Variants in ABHD5 observed in about 807,000 individuals in gnomAD.
ABHD5 encodes the protein abhydrolase domain containing 5, lysophosphatidic acid acyltransferase, also known as 1-acylglycerol-3-phosphate O-acyltransferase ABHD5.
ABHD5 carries 30 observed loss-of-function variants against 44.9 expected under a neutral mutation model. The ratio of observed to expected loss-of-function variants is 0.67; its 90% confidence interval spans 0.50 to 0.91. The LOEUF (loss-of-function observed/expected upper bound fraction) is 0.91. ABHD5 is among the 40% of genes least tolerant of loss of function. ABHD5 has a pLI of 0.00. For synonymous variants in ABHD5, 167 were observed against 147.0 expected (o/e 1.14, Z -0.99); for missense variants, 399 against 423.4 (o/e 0.94, Z 0.50).
intron 2 of ABHD5, among the ~76,000 whole-genome samples, chr3:43,700,356 A>G (rs1343153790): frequency 6.6e-6 from 1 of 151,966 alleles, no homozygotes; most frequent in South Asian, 2.1e-4. Context: ...AGTGGTACTT[A>G]TTGTGCAATT....
rs1260307797 is a variant in ABHD5, at chr3:43,727,769, T to G, written c.*30-6111T>G. Among the ~76,000 whole-genome samples, 4 of 152,290 alleles carry G rather than the reference T, an allele frequency of 2.6e-5. No homozygotes were observed. In the South Asian group the frequency reaches 6.2e-4, roughly 24 times the overall value. Reference sequence around the variant, plus strand: ...GGCTATAGGCATGCGCCACCATGCCTGGCTAATTTTTGTATTTTTAGTAGA... The same window carrying G: ...GGCTATAGGCATGCGCCACCATGCCGGGCTAATTTTTGTATTTTTAGTAGA... On this transcript the variant is annotated intron_variant, in intron 7 of 7. Coordinates refer to the ABHD5 transcript ENST00000454293.
At chr3:43,691,195 C>T in intron 1 of ABHD5, 156 bp downstream of exon 1, 1 of 651,700 alleles carries the variant, frequency 1.5e-6, no homozygotes, top group Non-Finnish European at 2.2e-6. Flanking sequence ...GCGCGGCGCC[C>T]AGAGGCGTCC....
rs1178975410 is a variant in ABHD5, at chr3:43,720,800, T to C, written c.*2268T>C. On this transcript the variant is annotated 3_prime_UTR_variant, in exon 7 of 7. Transcript: ENST00000644371. ...AGCAAATGTTCAGTAAATGCTGCTG[T>C]TGTTCTTAGGGAAGGCTACTCTGGG... 3 of 152,204 alleles carry C rather than the reference T, an allele frequency of 2.0e-5. No homozygotes were observed. Among genetic ancestry groups the C allele is most frequent in the Non-Finnish European group, 2.9e-5 (2 of 68,028 alleles). 9.4% of individuals were successfully genotyped at this position (152,204 alleles called of 1,614,324 possible).
At chr3:43,695,761 C>T (rs149285287) in intron 1 of ABHD5, among the ~76,000 whole-genome samples, 218 of 152,214 alleles carry the variant, frequency 1.4e-3, no homozygotes, top group African/African-American at 4.9e-3. Flanking sequence ...AGAAGGATTA[C>T]GTAAAAAGTT....
chr3:43,696,924 G>A (rs1465069733), intron 1 of ABHD5, among the ~76,000 whole-genome samples: 1 of 152,096 alleles, frequency 6.6e-6, no homozygotes, highest in Non-Finnish European at 1.5e-5. Context: ...CACCTGTTTT[G>A]ATGAAAATGC....
intron 5 of ABHD5, 32 bp from the exon 6 acceptor site, chr3:43,717,639 C>CAT: frequency 3.1e-6 from 5 of 1,611,956 alleles, no homozygotes; most frequent in Non-Finnish European, 4.2e-6. Flanking sequence ...TCCCAAAAAT[C>CAT]ATACATCGTG....
chr3:43,731,530 T>C (rs544675064), intron 7 of ABHD5, among the ~76,000 whole-genome samples: 1 of 152,170 alleles, frequency 6.6e-6, no homozygotes, highest in Admixed American at 6.5e-5. Context: ...GGGCTGCTTG[T>C]TGAAAGATTT....
Position 43,717,891 on chromosome 3 carries a change from T to C in ABHD5, c.960+34T>C, listed in dbSNP as rs1258269238. On this transcript the variant is annotated intron_variant, in intron 6 of 6. Transcript: ENST00000644371. ...GTGGCTTGATTTGGGTTTTTAGGTA[T>C]AGGTGAGGTCCGTTTTATTATCTCC... is the stretch of plus-strand genomic sequence containing the variant. 1.1e-5 allele frequency: 17 copies of C among 1,613,210 alleles called. No homozygotes were observed. The Middle Eastern group carries it at 8.2e-4, about 78-fold the overall frequency.
chr3:43,703,605 C>T (rs1397405780), intron 3 of ABHD5, among the ~76,000 whole-genome samples: 1 of 152,134 alleles, frequency 6.6e-6, no homozygotes, highest in Non-Finnish European at 1.5e-5. Context: ...TGGAAAGAAA[C>T]AACAAAAAAT....
intron 3 of ABHD5, among the ~76,000 whole-genome samples, chr3:43,707,253 G>T (rs1176447878): frequency 6.6e-6 from 1 of 152,164 alleles, no homozygotes; most frequent in Non-Finnish European, 1.5e-5. Flanking sequence ...TTAGCAAAGA[G>T]ATCTATTCCA....
intron 7 of ABHD5, among the ~76,000 whole-genome samples, chr3:43,730,848 A>C (rs2084908193): frequency 6.7e-6 from 1 of 148,970 alleles, no homozygotes; most frequent in Admixed American, 6.7e-5. Context: ...TTGTTTTTTG[A>C]GACGGAGTCT....
intron 6 of ABHD5, 135 bp downstream of exon 6, chr3:43,717,992 T>C (rs1473339086): frequency 1.8e-6 from 2 of 1,122,872 alleles, no homozygotes; most frequent in African/African-American, 3.1e-5. Context: ...GGGGACGTGA[T>C]ACCACCTGTG....
Position 43,718,680 on chromosome 3 carries a change from T to C in ABHD5, c.*148T>C. ...GCACATGTTTTCTTTAGGAATTCACTCACACATTTAAACCAGTTAGTGCCT... is the reference window on the plus strand; with the variant it reads ...GCACATGTTTTCTTTAGGAATTCACCCACACATTTAAACCAGTTAGTGCCT... On this transcript the variant is annotated 3_prime_UTR_variant, in exon 7 of 7. Transcript: ENST00000644371. 1.3e-6 allele frequency: 1 copy of C among 767,292 alleles called. No homozygotes were observed. The highest frequency in any genetic ancestry group is 2.0e-5 in the Admixed American group (1 of 48,878). The allele number at this position is 767,292 out of a possible 1,614,324, so 47.5% of individuals were successfully genotyped here. A position where few individuals can be genotyped will look rare whatever the true frequency, so the allele number is the denominator to read the frequency against.
At chr3:43,732,481 C>T (rs1559425082) in intron 7 of ABHD5, among the ~76,000 whole-genome samples, 1 of 152,026 alleles carries the variant, frequency 6.6e-6, no homozygotes, top group Non-Finnish European at 1.5e-5. Context: ...ACTTAAAAAT[C>T]ATACACATTA....
exon 8 of ABHD5, chr3:43,734,246 C>CA: frequency 6.6e-6 from 1 of 152,228 alleles, no homozygotes; most frequent in Non-Finnish European, 1.5e-5. Flanking sequence ...GATTGACTGA[C>CA]ACGTGGGTGC....
intron 5 of ABHD5, 92 bp from the exon 6 acceptor site, chr3:43,717,579 G>A (rs2084782257): frequency 2.2e-6 from 3 of 1,369,690 alleles, no homozygotes; most frequent in African/African-American, 2.9e-5. Context: ...TGCTGGAAAA[G>A]CTAAATATGA....
chr3:43,698,110 C>T (rs1315907111), intron 1 of ABHD5, among the ~76,000 whole-genome samples: 2 of 152,144 alleles, frequency 1.3e-5, no homozygotes, highest in Non-Finnish European at 2.9e-5. Flanking sequence ...GGTACACAAC[C>T]CTTCCAAAAC....
downstream of ABHD5, among the ~76,000 whole-genome samples, chr3:43,726,610 G>A (rs1575610545): frequency 6.6e-6 from 1 of 152,218 alleles, no homozygotes; most frequent in Non-Finnish European, 1.5e-5. Flanking sequence ...CACTTGGCCA[G>A]CACCAAAGAT....
rs553134777 is a variant in ABHD5 at position 43,730,202 on chromosome 3, A to G, written c.*30-3678A>G. 4.6e-5 allele frequency among the ~76,000 whole-genome samples: 7 copies of G among 152,356 alleles called. No individual in the cohort carries two copies. In the East Asian group the frequency reaches 5.8e-4, roughly 13 times the overall value. On this transcript the variant is annotated intron_variant, in intron 7 of 7. Coordinates refer to the ABHD5 transcript ENST00000454293. ...AAGGCTCAGTTAACTTATTGGAGCA[A>G]TGCCATTGGTGCCACACCTGGATGG...
Sources: gnomAD v4.1 joint callset for allele counts (sites outside exome capture counted in the v4.1 genomes callset) on GRCh38, gnomAD v4.1.1 for gene constraint, MANE v1.5 for transcripts, NCBI Gene and HGNC (gene_info 2026-07-23, HGNC 2026-07-21) for gene names.